The following PDE4D variants were observed in gnomAD, a reference collection of about 807,000 sequenced individuals.
The protein encoded by PDE4D is phosphodiesterase 4D.
A neutral mutation model predicts 87.4 loss-of-function variants in PDE4D; 24 were observed. The ratio of observed to expected loss-of-function variants is 0.27; its 90% confidence interval spans 0.20 to 0.39. The LOEUF is 0.39. Among genes scored for constraint, PDE4D ranks in the 10% least tolerant of loss-of-function variants. The pLI is 1.00. For missense variants in PDE4D, 714 were observed against 1,041.0 expected, an observed-to-expected ratio of 0.69 and a Z score of 4.32; for synonymous variants, 384 against 383.2, an observed-to-expected ratio of 1.00 and a Z score of -0.02.
intron 3 of PDE4D, among the ~76,000 whole-genome samples, chr5:59,914,390 G>C (rs1287911479): frequency 6.6e-6 from 1 of 152,102 alleles, no homozygotes; most frequent in African/African-American, 2.4e-5. Flanking sequence ...TTTTTGAGCA[G>C]AGACCTGAGG....
rs556585743 is a variant in PDE4D, at chr5:59,586,237, T to C, written c.455+306931A>G. Reference sequence around the variant, plus strand: ...ACTTTTCATTCTCACTTGATACCAATACTCTAGTTCAAGACAAATCCTCAT... The same window carrying C: ...ACTTTTCATTCTCACTTGATACCAACACTCTAGTTCAAGACAAATCCTCAT... On this transcript the variant is annotated intron_variant, in intron 1 of 14. Coordinates refer to ENST00000340635, the MANE Select transcript of PDE4D (RefSeq NM_001104631.2). The C allele has an allele frequency of 1.7e-5, 16 of 930,756 alleles. No homozygotes were observed. In the South Asian group the frequency reaches 2.1e-4, roughly 12 times the overall value. 57.7% of individuals were successfully genotyped at this position (930,756 alleles called of 1,614,324 possible). A position where few individuals can be genotyped will look rare whatever the true frequency, so the allele number is the denominator to read the frequency against.
intron 1 of PDE4D, among the ~76,000 whole-genome samples, chr5:59,723,688 A>G (rs935996313): frequency 1.3e-5 from 2 of 152,136 alleles, no homozygotes; most frequent in African/African-American, 2.4e-5. Flanking sequence ...CAAAATACCC[A>G]TATGGGTTTT....
intron 2 of PDE4D, among the ~76,000 whole-genome samples, chr5:60,142,476 A>C (rs963996420): frequency 6.6e-6 from 1 of 152,192 alleles, no homozygotes; most frequent in Non-Finnish European, 1.5e-5. Context: ...ACAGTAGAAA[A>C]AACATTACTT....
chr5:60,005,594 CAT>C (rs796255307), intron 2 of PDE4D, among the ~76,000 whole-genome samples: 9 of 152,092 alleles, frequency 5.9e-5, no homozygotes, highest in African/African-American at 2.2e-4. Context: ...CAAGTCATCA[CAT>C]GTCTACCTCA....
chr5:60,470,599 G>A (rs771992999), intron 1 of PDE4D, among the ~76,000 whole-genome samples: 2 of 152,122 alleles, frequency 1.3e-5, no homozygotes, highest in East Asian at 3.9e-4. Flanking sequence ...ACCAATACAG[G>A]TGGTAGCTTT....
chr5:60,223,682 C>T (rs1583130416), intron 1 of PDE4D, among the ~76,000 whole-genome samples: 1 of 152,190 alleles, frequency 6.6e-6, no homozygotes, highest in South Asian at 2.1e-4. Flanking sequence ...AAGAGATGAG[C>T]TAATCAGATA....
chr5:60,111,649 T>G (rs995120636), intron 2 of PDE4D, among the ~76,000 whole-genome samples: 4 of 151,972 alleles, frequency 2.6e-5, no homozygotes, highest in African/African-American at 9.7e-5. Context: ...TATATTTCAC[T>G]CATCTCTTAT....
chr5:60,336,063 T>A (rs1757727479), intron 1 of PDE4D, among the ~76,000 whole-genome samples: 1 of 152,150 alleles, frequency 6.6e-6, no homozygotes, highest in South Asian at 2.1e-4. Context: ...GAATGAAGAA[T>A]TCCAGACACA....
intron 1 of PDE4D, among the ~76,000 whole-genome samples, chr5:59,285,799 G>A (rs1190863434): frequency 6.6e-6 from 1 of 152,114 alleles, no homozygotes; most frequent in African/African-American, 2.4e-5. Flanking sequence ...CAGGACAATG[G>A]GGAGGGTGTT....
At chr5:59,732,362 T>C (rs1757477750) in intron 1 of PDE4D, among the ~76,000 whole-genome samples, 1 of 150,558 alleles carries the variant, frequency 6.6e-6, no homozygotes, top group Admixed American at 6.6e-5. Flanking sequence ...TATTGTTAAA[T>C]TGCACTGTGA....
intron 1 of PDE4D, among the ~76,000 whole-genome samples, chr5:59,784,250 T>A (rs569933925): frequency 8.0e-5 from 12 of 150,264 alleles, no homozygotes; most frequent in African/African-American, 2.9e-4. Flanking sequence ...TTTTTTTTTT[T>A]TTAAAAAAAA....
chr5:60,059,198 G>A (rs1771131839), intron 2 of PDE4D, among the ~76,000 whole-genome samples: 1 of 151,900 alleles, frequency 6.6e-6, no homozygotes. Context: ...GTTTTAAGCT[G>A]TTGGCACCAG....
chr5:59,153,066 G>A (rs1428626537), intron 5 of PDE4D, among the ~76,000 whole-genome samples: 1 of 152,048 alleles, frequency 6.6e-6, no homozygotes, highest in Non-Finnish European at 1.5e-5. Flanking sequence ...GAAAGAAAAT[G>A]GAAGGAGCAA....
intron 5 of PDE4D, among the ~76,000 whole-genome samples, chr5:59,072,949 A>G (rs1051727191): frequency 2.6e-5 from 4 of 152,206 alleles, no homozygotes; most frequent in African/African-American, 7.2e-5. Context: ...GAATGTATGC[A>G]GGTCATGAAT....
At chr5:60,396,978 C>T (rs980127463) in intron 1 of PDE4D, among the ~76,000 whole-genome samples, 2 of 152,186 alleles carry the variant, frequency 1.3e-5, no homozygotes, top group Non-Finnish European at 2.9e-5. Flanking sequence ...TTTCCGGCCT[C>T]ACAAAAGAAA....
intron 2 of PDE4D, among the ~76,000 whole-genome samples, chr5:60,049,125 A>G (rs1253167565): frequency 6.6e-6 from 1 of 151,896 alleles, no homozygotes; most frequent in Non-Finnish European, 1.5e-5. Flanking sequence ...TTCATCTTCC[A>G]TCGCTGATAC....
At chr5:59,543,263 T>C (rs1053054260) in intron 1 of PDE4D, among the ~76,000 whole-genome samples, 1 of 152,132 alleles carries the variant, frequency 6.6e-6, no homozygotes. Context: ...CTATCTGAAT[T>C]TTTTGAGCCT....
At chr5:59,651,273 T>C (rs192719) in intron 1 of PDE4D, among the ~76,000 whole-genome samples, 56 of 85,926 alleles carry the variant, frequency 6.5e-4, no homozygotes, top group South Asian at 2.2e-3. Flanking sequence ...ATAATAATAA[T>C]AATAATAATA....
chr5:59,812,595 C>A (rs1018187005), intron 1 of PDE4D, among the ~76,000 whole-genome samples: 7 of 152,028 alleles, frequency 4.6e-5, no homozygotes, highest in Non-Finnish European at 1.0e-4. Flanking sequence ...ATGGCTTGAA[C>A]CTGGGAGGCG....
Sources: gnomAD v4.1 joint callset for allele counts (sites outside exome capture counted in the v4.1 genomes callset) on GRCh38, gnomAD v4.1.1 for gene constraint, MANE v1.5 for transcripts, NCBI Gene and HGNC (gene_info 2026-07-23, HGNC 2026-07-21) for gene names.